The following IDUA variants were observed in gnomAD, a reference collection of about 807,000 sequenced individuals.
IDUA encodes the protein iduronidase alpha-L-.
Under a neutral mutation model 68.9 loss-of-function variants are expected in IDUA, and 65 were observed. The observed-to-expected ratio is 0.94, with a 90% CI of 0.77 to 1.16. IDUA has a LOEUF of 1.16. IDUA is among the 50% of genes most tolerant of loss of function. The pLI, the probability that IDUA is intolerant of heterozygous loss-of-function variation, is 0.00. For missense variants in IDUA, 1,046 were observed against 938.0 expected, an observed-to-expected ratio of 1.12 and a Z score of -1.50; for synonymous variants, 529 against 433.6, an observed-to-expected ratio of 1.22 and a Z score of -2.73.
In IDUA at chr4:989,924, G is replaced by C. The variant is rs776216278; in HGVS notation, c.299+1975G>C. The stretch of plus-strand genomic sequence containing the variant: ...GCCACGGCATCCAAAGCCACACGCT[G>C]CATCAGCCTGGGCTCTGGGACCTGA... On this transcript the variant is annotated intron_variant, in intron 2 of 13. Transcript: ENST00000514224. 2.6e-6 allele frequency: 4 copies of C among 1,558,858 alleles called. No homozygotes were observed. The African/African-American group carries it at 5.4e-5, about 21-fold the overall frequency.
chr4:991,385 A>C lies in IDUA; in HGVS notation c.299+3436A>C. 3 of 1,612,834 alleles carry C rather than the reference A, an allele frequency of 1.9e-6. No individual in the cohort carries two copies. In the South Asian group the frequency reaches 3.3e-5, roughly 18 times the overall value. Reference sequence around the variant, plus strand: ...ATGAGGAAGTAGATGAGGTTGGCGAAGAAGGACGTATAGAGGCTGTAGATG... The same window carrying C: ...ATGAGGAAGTAGATGAGGTTGGCGACGAAGGACGTATAGAGGCTGTAGATG... On this transcript the variant is annotated intron_variant, in intron 2 of 13. Coordinates refer to ENST00000514224, the MANE Select transcript of IDUA (RefSeq NM_000203.5).
At chr4:998,983 T>A (rs773609692) in intron 2 of IDUA, among the ~76,000 whole-genome samples, 2 of 151,864 alleles carry the variant, frequency 1.3e-5, no homozygotes, top group Non-Finnish European at 2.9e-5. Flanking sequence ...GGTGGGCGGA[T>A]CACGAGGTCA....
At chr4:990,305 G>A in intron 2 of IDUA, 2 of 1,605,078 alleles carry the variant, frequency 1.2e-6, no homozygotes, top group Non-Finnish European at 1.7e-6. Context: ...AAGCCATCGA[G>A]CAGTGGCTGT....
chr4:1,002,627 T>C, intron 8 of IDUA, 105 bp from the exon 9 acceptor site: 1 of 1,159,870 alleles, frequency 8.6e-7, no homozygotes, highest in Non-Finnish European at 1.2e-6. Flanking sequence ...GCCTGGGGAC[T>C]CCTTCACCAA....
chr4:995,886 T>C (rs984307692), intron 2 of IDUA, among the ~76,000 whole-genome samples: 10 of 151,842 alleles, frequency 6.6e-5, no homozygotes, highest in African/African-American at 2.4e-4. Context: ...GGCCAGAGAG[T>C]AGGAGACATC....
chr4:1,003,767 C>T, intron 12 of IDUA, 142 bp downstream of exon 12: 11 of 980,580 alleles, frequency 1.1e-5, no homozygotes, highest in Non-Finnish European at 1.7e-5. Flanking sequence ...CTGCCCTTCA[C>T]CCCACACACT....
At chr4:1,002,186 GC>G (rs756529806) in intron 7 of IDUA, 25 bp downstream of exon 7, 3 of 1,559,964 alleles carry the variant, frequency 1.9e-6, no homozygotes, top group Non-Finnish European at 2.6e-6. Flanking sequence ...CGCCCTGCGC[GC>G]CCCCCGGCCA....
At chr4:987,767 A>G (rs1713850535) in intron 1 of IDUA, 42 bp from the exon 2 acceptor site, 8 of 1,610,532 alleles carry the variant, frequency 5.0e-6, no homozygotes, top group Non-Finnish European at 6.8e-6. Context: ...GCTGCCAGCC[A>G]TGCTGAGGCT....
intron 2 of IDUA, chr4:991,792 C>T (rs1365714012): frequency 6.5e-7 from 1 of 1,530,848 alleles, no homozygotes; most frequent in Non-Finnish European, 8.7e-7. Flanking sequence ...ACGACAAGGT[C>T]CCCGGCAGCA....
At chr4:1,000,790 C>T in intron 3 of IDUA, 92 bp from the exon 4 acceptor site, 1 of 1,467,028 alleles carries the variant, frequency 6.8e-7, no homozygotes, top group East Asian at 2.3e-5. Flanking sequence ...CTTGGATGTC[C>T]ATTCAGGGCT....
At position 991,176 on chromosome 4, in the gene IDUA, G is replaced by T. The variant is rs561308977; in HGVS notation, c.299+3227G>T. 6.3e-5 allele frequency: 99 copies of T among 1,580,772 alleles called. No homozygotes were observed. The East Asian group carries it at 1.6e-3, about 25-fold the overall frequency. The stretch of plus-strand genomic sequence containing the variant: ...TGAGGGCGGTGGCGACACGGATGGC[G>T]TAGCAGTCACGCCCGCAGTCCAGCA... On this transcript the variant is annotated intron_variant, in intron 2 of 13. Transcript: ENST00000514224.
chr4:1,003,514 T>G, intron 11 of IDUA, 35 bp from the exon 12 acceptor site: 1 of 1,603,786 alleles, frequency 6.2e-7, no homozygotes, highest in Non-Finnish European at 8.5e-7. Flanking sequence ...CGGACTCCCC[T>G]TCCCCGACGC....
chr4:1,002,164 G>T lies in IDUA; in HGVS notation c.972+3G>T. 1 of 1,556,334 alleles carries T rather than the reference G, an allele frequency of 6.4e-7. No homozygotes were observed. The highest frequency in any genetic ancestry group is 8.7e-7 in the Non-Finnish European group (1 of 1,150,358). The stretch of plus-strand genomic sequence containing the variant: ...CCTACGCGGCCATGGTGGTGAAGGT[G>T]GGCCGGCCCAACGCCCTGCGCGCCC... On this transcript the variant is annotated splice_donor_region_variant and intron_variant, in intron 7 of 13. Coordinates refer to ENST00000514224, the MANE Select transcript of IDUA (RefSeq NM_000203.5).
At chr4:992,331 C>T (rs994907543) in intron 2 of IDUA, 2 of 400,944 alleles carry the variant, frequency 5.0e-6, no homozygotes, top group Non-Finnish European at 1.0e-5. Context: ...CCACCCACCC[C>T]TCTGTCACCT....
Position 1,004,302 on chromosome 4 carries a change from A to T in IDUA, c.1871A>T (p.Asp624Val). The T allele has an allele frequency of 6.2e-7, 1 of 1,611,198 alleles. No homozygotes were observed. The highest frequency in any genetic ancestry group is 8.5e-7 in the Non-Finnish European group (1 of 1,179,892). Residue 624 changes from aspartate (D) to valine (V), a missense_variant, in exon 14 of 14, where the codon GAC becomes GTC. By Grantham distance (152) the Asp-to-Val change is radical. Coordinates refer to ENST00000514224, the MANE Select transcript of IDUA (RefSeq NM_000203.5). The surrounding 1 kb of genome is among the most constrained non-coding windows in gnomAD (Gnocchi z 5.0). ...GGCTCCTACCGAGTTCGAGCCCTGG[A>T]CTACTGGGCCCGACCAGGCCCCTTC... ...VSGSYRVRAL[D>V]YWARPGPFSD...
In IDUA at chr4:1,004,410, A is replaced by C. The variant is rs1044151997; in HGVS notation, c.*17A>C. ...AATCCATGAGCCTGTGCTGAGCCCC[A>C]GTGGGTTGCACCTCCACCGGCAGTC... On this transcript the variant is annotated 3_prime_UTR_variant, in exon 14 of 14. Transcript: ENST00000514224. The surrounding 1 kb of genome is among the most constrained non-coding windows in gnomAD (Gnocchi z 5.0). 6.2e-7 allele frequency: 1 copy of C among 1,609,012 alleles called. No individual in the cohort carries two copies.
intron 4 of IDUA, 148 bp from the exon 5 acceptor site, chr4:1,001,320 G>A (rs564229660): frequency 4.2e-5 from 33 of 780,714 alleles, no homozygotes; most frequent in South Asian, 1.2e-4. Context: ...TTGAGCCAGC[G>A]CTTCCTGATG....
intron 2 of IDUA, among the ~76,000 whole-genome samples, chr4:993,865 G>A (rs904549122): frequency 5.9e-5 from 9 of 152,234 alleles, no homozygotes; most frequent in Non-Finnish European, 7.3e-5. Flanking sequence ...CTGCCGGTGC[G>A]TGCATATGCG....
Position 1,002,406 on chromosome 4 carries a change from G to C in IDUA, c.1110G>C (p.Gln370His). The C allele has an allele frequency of 6.3e-7, 1 of 1,594,598 alleles. No individual in the cohort carries two copies. Among genetic ancestry groups the C allele is most frequent in the Non-Finnish European group, 8.5e-7 (1 of 1,171,714 alleles). Reference sequence around the variant, plus strand: ...AGCGCACGCTCACCGCGCGCTTCCAGGTCAACAACACCCGCCCGCCGCACG... The same window carrying C: ...AGCGCACGCTCACCGCGCGCTTCCACGTCAACAACACCCGCCCGCCGCACG... Reference protein sequence around the residue: ...FAQRTLTARFQVNNTRPPHVQ... With the variant: ...FAQRTLTARFHVNNTRPPHVQ... The change falls in exon 8 of 14, where the codon CAG becomes CAC. Residue 370 changes from glutamine to histidine, a missense_variant. Transcript: ENST00000514224.
Sources: allele counts gnomAD v4.1 joint callset (sites outside exome capture counted in the v4.1 genomes callset), GRCh38; gene constraint gnomAD v4.1.1; non-coding constraint Gnocchi (gnomAD v3.1); transcripts MANE v1.5; gene names NCBI Gene and HGNC (gene_info 2026-07-23, HGNC 2026-07-21).